The following CASR variants were observed in gnomAD, a reference collection of about 807,000 sequenced individuals.
The protein encoded by CASR is calcium sensing receptor.
In CASR, 23 loss-of-function variants were observed where a neutral mutation model predicts 69.1. The ratio of observed to expected loss-of-function variants is 0.33; its 90% confidence interval spans 0.24 to 0.47. The LOEUF (loss-of-function observed/expected upper bound fraction) is 0.47, where lower values mean the gene tolerates loss of function less well. CASR is among the 20% of genes least tolerant of loss of function. CASR has a pLI of 1.00. For synonymous variants in CASR, 541 were observed against 544.7 expected, an observed-to-expected ratio of 0.99 and a Z score of 0.10; for missense variants, 924 against 1,356.1, an observed-to-expected ratio of 0.68 and a Z score of 5.00.
intron 5 of CASR, among the ~76,000 whole-genome samples, chr3:122,276,419 T>C (rs1330803439): frequency 6.6e-6 from 1 of 152,132 alleles, no homozygotes; most frequent in Non-Finnish European, 1.5e-5. Context: ...GAGACAAGTT[T>C]TAGAGTGGAG....
intron 3 of CASR, among the ~76,000 whole-genome samples, chr3:122,259,496 TAA>T (rs2074595330): frequency 6.6e-6 from 1 of 152,098 alleles, no homozygotes; most frequent in Non-Finnish European, 1.5e-5. Flanking sequence ...CTATAACTTC[TAA>T]AATAAAAGCT....
At chr3:122,196,259 A>G (rs1416007336) in intron 1 of CASR, among the ~76,000 whole-genome samples, 2 of 152,326 alleles carry the variant, frequency 1.3e-5, no homozygotes, top group East Asian at 3.9e-4. Flanking sequence ...TATACAACAT[A>G]TGGTATGGTA....
intron 1 of CASR, among the ~76,000 whole-genome samples, chr3:122,213,105 G>A (rs906674210): frequency 7.2e-5 from 11 of 152,142 alleles, no homozygotes; most frequent in Non-Finnish European, 1.0e-4. Flanking sequence ...CAGATCTCAC[G>A]TCCACACATA....
chr3:122,254,732 C>G (rs940746113), intron 2 of CASR, among the ~76,000 whole-genome samples: 1 of 152,080 alleles, frequency 6.6e-6, no homozygotes, highest in Non-Finnish European at 1.5e-5. Context: ...TAGTAAAATC[C>G]CCCATTGACC....
At chr3:122,248,327 G>A (rs2074448220) in intron 1 of CASR, among the ~76,000 whole-genome samples, 1 of 152,306 alleles carries the variant, frequency 6.6e-6, no homozygotes, top group African/African-American at 2.4e-5. Flanking sequence ...AGAGGTAAAG[G>A]AAGCTGCAAC....
chr3:122,201,846 C>T (rs2073956656), intron 1 of CASR, among the ~76,000 whole-genome samples: 1 of 151,948 alleles, frequency 6.6e-6, no homozygotes, highest in Non-Finnish European at 1.5e-5. Context: ...ACGCTCCTCA[C>T]TTCCTAGATG....
intron 1 of CASR, among the ~76,000 whole-genome samples, chr3:122,206,605 A>T: frequency 6.6e-6 from 1 of 151,940 alleles, no homozygotes; most frequent in East Asian, 1.9e-4. Context: ...TGAGTTTGTA[A>T]GTATTCTCTC....
chr3:122,230,073 G>A (rs1453993562), intron 1 of CASR, among the ~76,000 whole-genome samples: 2 of 152,142 alleles, frequency 1.3e-5, no homozygotes, highest in Admixed American at 6.5e-5. Context: ...TCTTGGCCCC[G>A]GCATTACAGT....
At chr3:122,249,909 A>G (rs1465250195) in intron 1 of CASR, among the ~76,000 whole-genome samples, 2 of 152,204 alleles carry the variant, frequency 1.3e-5, no homozygotes, top group Non-Finnish European at 2.9e-5. Context: ...GAATAGTTCA[A>G]TATTAAGGTT....
chr3:122,212,167 A>C (rs2074074648), intron 1 of CASR, among the ~76,000 whole-genome samples: 1 of 152,206 alleles, frequency 6.6e-6, no homozygotes, highest in Non-Finnish European at 1.5e-5. Context: ...CCAAATGCCC[A>C]TCAATGTTAG....
chr3:122,283,010 T>A (rs2074911422), intron 6 of CASR, among the ~76,000 whole-genome samples: 1 of 152,186 alleles, frequency 6.6e-6, no homozygotes, highest in Non-Finnish European at 1.5e-5. Flanking sequence ...AGAGACTTAG[T>A]AAACAGTTGT....
intron 1 of CASR, among the ~76,000 whole-genome samples, chr3:122,213,404 A>T (rs1252710211): frequency 6.6e-6 from 1 of 152,118 alleles, no homozygotes; most frequent in Non-Finnish European, 1.5e-5. Context: ...CATCCTGCAG[A>T]CCCCAATCAT....
chr3:122,232,989 G>A (rs1267648829), intron 1 of CASR, among the ~76,000 whole-genome samples: 1 of 152,146 alleles, frequency 6.6e-6, no homozygotes, highest in East Asian at 1.9e-4. Context: ...GACAAAAAAC[G>A]TTAACATTGT....
chr3:122,283,643 T>G (rs2074919992), intron 6 of CASR, 44 bp from the exon 7 acceptor site: 1 of 1,526,244 alleles, frequency 6.6e-7, no homozygotes, highest in African/African-American at 1.4e-5. Context: ...CACATTTTAG[T>G]CTGTGCCACA....
In CASR at chr3:122,262,332, G is replaced by C. The variant is rs199511990; in HGVS notation, c.1297G>C (p.Asp433His). 119 of 1,614,100 alleles carry C rather than the reference G, an allele frequency of 7.4e-5. 2 individuals carry two copies. The South Asian group carries it at 1.3e-3, about 17-fold the overall frequency. The change falls in exon 4 of 7, where the codon GAT (aspartate) becomes CAT (histidine). Residue 433 changes from aspartate to histidine, a missense_variant. Physicochemically the swap from Asp to His is moderately conservative, Grantham distance 81. Around this residue, in one of 8 missense-constraint regions of CASR, gnomAD observed 310 missense variants for 395.7 expected, o/e 0.78. Coordinates refer to ENST00000639785, the MANE Select transcript of CASR (RefSeq NM_000388.4). ...CTACTCCATTGCCCACGCCTTGCAA[G>C]ATATATATACCTGCTTACCTGGGAG... ...AVYSIAHALQ[D>H]IYTCLPGRGL...
intron 1 of CASR, among the ~76,000 whole-genome samples, chr3:122,223,511 C>T (rs1367756728): frequency 6.6e-6 from 1 of 152,068 alleles, no homozygotes; most frequent in African/African-American, 2.4e-5. Context: ...AAAATTGAAA[C>T]CTTGAACAGA....
intron 1 of CASR, among the ~76,000 whole-genome samples, chr3:122,198,884 A>C (rs1346111585): frequency 6.6e-6 from 1 of 152,042 alleles, no homozygotes; most frequent in Non-Finnish European, 1.5e-5. Flanking sequence ...TAAAATGGAC[A>C]CCTGTATTCC....
At chr3:122,269,522 C>T (rs189728350) in intron 4 of CASR, among the ~76,000 whole-genome samples, 60 of 152,274 alleles carry the variant, frequency 3.9e-4, no homozygotes, top group South Asian at 1.5e-3. Flanking sequence ...ATCAAACCAA[C>T]CTTTCGTTCC....
At chr3:122,248,184 G>A (rs2074446520) in intron 1 of CASR, among the ~76,000 whole-genome samples, 1 of 152,132 alleles carries the variant, frequency 6.6e-6, no homozygotes, top group Non-Finnish European at 1.5e-5. Flanking sequence ...GCCTTGCTTT[G>A]GTACAGAAGG....
Sources: gnomAD v4.1 joint callset for allele counts (sites outside exome capture counted in the v4.1 genomes callset) on GRCh38, gnomAD v4.1.1 for gene constraint, gnomAD v4.1.1 regional missense constraint, MANE v1.5 for transcripts, NCBI Gene and HGNC (gene_info 2026-07-23, HGNC 2026-07-21) for gene names.